Variants in EPS15L1 observed in about 807,000 individuals in gnomAD.
EPS15L1 encodes the protein epidermal growth factor receptor pathway substrate 15 like 1.
Under a neutral mutation model 117.1 loss-of-function variants are expected in EPS15L1, and 43 were observed. That is an observed-to-expected ratio of 0.37 (90% CI 0.29 to 0.47). The LOEUF (loss-of-function observed/expected upper bound fraction) is 0.47. Among genes scored for constraint, EPS15L1 ranks in the 20% least tolerant of loss-of-function variants. The probability of loss-of-function intolerance (pLI) is 0.99; values close to 1 mark genes in which losing one functional copy is unlikely to be tolerated. For missense variants in EPS15L1, 981 were observed against 1,164.0 expected, an observed-to-expected ratio of 0.84 and a Z score of 2.29; for synonymous variants, 459 against 470.5, an observed-to-expected ratio of 0.98 and a Z score of 0.32.
chr19:16,438,125 G>A lies in EPS15L1; in HGVS notation c.214-260C>T, dbSNP rs541451861. Among the ~76,000 whole-genome samples the A allele has an allele frequency of 6.6e-5, 10 of 152,300 alleles. No individual in the cohort carries two copies. The South Asian group carries it at 2.1e-3, about 32-fold the overall frequency. On this transcript the variant is annotated intron_variant, in intron 4 of 23. Transcript: ENST00000455140. ...CCTAGCACTTTGGGAGACCGAGGCA[G>A]GTGGATCACCTGAGGTCAGGAGTTC... is the stretch of plus-strand genomic sequence containing the variant.
In EPS15L1 at chr19:16,386,228, C is replaced by A. The variant is rs972601200; in HGVS notation, c.2107G>T (p.Asp703Tyr). 1 of 1,611,044 alleles carries A rather than the reference C, an allele frequency of 6.2e-7. No individual in the cohort carries two copies. The highest frequency in any genetic ancestry group is 1.7e-5 in the Admixed American group (1 of 59,966). Residue 703 changes from aspartate to tyrosine, a missense_variant, in exon 20 of 24, where the codon GAC (aspartate) becomes TAC (tyrosine). Asp to Tyr is a radical substitution (Grantham distance 160, BLOSUM62 -3). Coordinates refer to ENST00000455140, the MANE Select transcript of EPS15L1 (RefSeq NM_001258374.3). ...AAGGGATCACTGGATTCAAAGGGGT[C>A]GAGCTAAATGAAAGGAGAGAGGAAA... ...TKNPSLPSKLDPFESSDPFSS... is the reference protein window; with the variant it reads ...TKNPSLPSKLYPFESSDPFSS...
At chr19:16,372,271 C>T (rs2092235589) in intron 22 of EPS15L1, among the ~76,000 whole-genome samples, 1 of 152,232 alleles carries the variant, frequency 6.6e-6, no homozygotes, top group Non-Finnish European at 1.5e-5. Flanking sequence ...CCACCTGTGA[C>T]TGTCCAGGTC....
intron 20 of EPS15L1, among the ~76,000 whole-genome samples, chr19:16,385,661 C>T (rs967635695): frequency 6.6e-6 from 1 of 152,202 alleles, no homozygotes; most frequent in Non-Finnish European, 1.5e-5. Context: ...TGATACCAAA[C>T]ACTGCTACCC....
At chr19:16,423,702 T>C (rs1338635226) in intron 9 of EPS15L1, among the ~76,000 whole-genome samples, 3 of 152,180 alleles carry the variant, frequency 2.0e-5, no homozygotes, top group Non-Finnish European at 4.4e-5. Flanking sequence ...CTGGTGGACG[T>C]AAAGATGCCA....
chr19:16,375,794 C>T (rs1020001149), intron 22 of EPS15L1, among the ~76,000 whole-genome samples: 4 of 152,242 alleles, frequency 2.6e-5, no homozygotes, highest in African/African-American at 9.6e-5. Flanking sequence ...ACAAGAAAGC[C>T]AACCTGGGCA....
intron 1 of EPS15L1, among the ~76,000 whole-genome samples, chr19:16,445,859 G>T (rs757986257): frequency 4.7e-4 from 72 of 152,216 alleles, no homozygotes; most frequent in Non-Finnish European, 9.0e-4. Context: ...AGGAATGGAA[G>T]GAAGTGCAGC....
At chr19:16,433,348 T>C (rs1287579276) in intron 7 of EPS15L1, among the ~76,000 whole-genome samples, 2 of 149,678 alleles carry the variant, frequency 1.3e-5, no homozygotes, top group Non-Finnish European at 3.0e-5. Flanking sequence ...GCCAGGCTGT[T>C]CTCGAACTCC....
chr19:16,431,708 A>C (rs2092929763), intron 7 of EPS15L1, among the ~76,000 whole-genome samples: 1 of 152,206 alleles, frequency 6.6e-6, no homozygotes, highest in Non-Finnish European at 1.5e-5. Context: ...GAATGTTCCC[A>C]ACACAAAGAA....
At chr19:16,467,309 A>G (rs988458061) in intron 1 of EPS15L1, among the ~76,000 whole-genome samples, 22 of 151,882 alleles carry the variant, frequency 1.4e-4, no homozygotes, top group African/African-American at 4.8e-4. Flanking sequence ...CCAGGACGCC[A>G]GGCTAATGTT....
At chr19:16,419,601 G>A (rs568575387) in intron 10 of EPS15L1, among the ~76,000 whole-genome samples, 4 of 152,154 alleles carry the variant, frequency 2.6e-5, no homozygotes, top group Non-Finnish European at 4.4e-5. Flanking sequence ...CCCACCTCCC[G>A]TGTAGCTGCG....
chr19:16,364,563 C>T (rs1037692944), intron 22 of EPS15L1, among the ~76,000 whole-genome samples: 2 of 152,192 alleles, frequency 1.3e-5, no homozygotes, highest in African/African-American at 4.8e-5. Context: ...TGCCTCACAC[C>T]CCCACCTTGA....
chr19:16,445,237 T>G (rs888699275), intron 1 of EPS15L1, among the ~76,000 whole-genome samples: 3 of 152,120 alleles, frequency 2.0e-5, no homozygotes, highest in Non-Finnish European at 4.4e-5. Flanking sequence ...AGCCCAGAGC[T>G]CCAACCTCTG....
chr19:16,426,400 G>A (rs140355624), intron 8 of EPS15L1, among the ~76,000 whole-genome samples: 3,489 of 152,266 alleles, frequency 0.023, 58 homozygotes, highest in Non-Finnish European at 0.035. Flanking sequence ...TTTGGAGGCC[G>A]AGACGGGCAG....
At position 16,402,397 on chromosome 19, in the gene EPS15L1, T is replaced by G; in HGVS notation, c.1715A>C (p.His572Pro). ...EQYDQVLDGA[H>P]GASLTDLANL... is the part of the protein sequence containing the mutation. ...GGCCAGGTCGGTCAGGCTGGCACCA[T>G]GGGCTCCATCGAGCACCTGGTCATA... Residue 572 changes from histidine to proline, a missense_variant, in exon 16 of 24, where the codon CAT (histidine) becomes CCT (proline). By Grantham distance (77) the His-to-Pro change is moderately conservative (BLOSUM62 -2). Around this residue, in one of 5 missense-constraint regions of EPS15L1, gnomAD observed 819 missense variants for 949.0 expected, o/e 0.86. Coordinates refer to ENST00000455140, the MANE Select transcript of EPS15L1 (RefSeq NM_001258374.3). 1 of 1,614,156 alleles carries G rather than the reference T, an allele frequency of 6.2e-7. No homozygotes were observed. Among genetic ancestry groups the G allele is most frequent in the Non-Finnish European group, 8.5e-7 (1 of 1,180,006 alleles).
At chr19:16,415,036 C>T (rs1384571075) in intron 12 of EPS15L1, among the ~76,000 whole-genome samples, 3 of 152,100 alleles carry the variant, frequency 2.0e-5, no homozygotes, top group Admixed American at 6.5e-5. Flanking sequence ...AGATAGAATT[C>T]GTGCATGTAT....
intron 9 of EPS15L1, among the ~76,000 whole-genome samples, chr19:16,422,774 T>C (rs2092829682): frequency 6.6e-6 from 1 of 152,018 alleles, no homozygotes; most frequent in Non-Finnish European, 1.5e-5. Context: ...TTGGCCAACA[T>C]GGTGAAACCC....
Position 16,355,470 on chromosome 19 carries a change from A to C in EPS15L1, c.*235T>G. 6.2e-6 allele frequency: 3 copies of C among 485,576 alleles called. No individual in the cohort carries two copies. The highest frequency in any genetic ancestry group is 3.2e-5 in the East Asian group (1 of 31,552). The allele number at this position is 485,576 out of a possible 1,614,324, so 30.1% of individuals were successfully genotyped here. A position where few individuals can be genotyped will look rare whatever the true frequency, so the allele number is the denominator to read the frequency against. On this transcript the variant is annotated 3_prime_UTR_variant, in exon 24 of 24. Transcript: ENST00000455140. ...CGGGAGGCAGTCAGCCCCGGGGGGG[A>C]TGGCACAGTGGAGAGACGGACCTGC...
chr19:16,411,073 C>T (rs1285750404), intron 13 of EPS15L1, among the ~76,000 whole-genome samples: 1 of 152,174 alleles, frequency 6.6e-6, no homozygotes, highest in Non-Finnish European at 1.5e-5. Flanking sequence ...ATTCCACTGA[C>T]AGGAAATGTC....
chr19:16,428,449 A>AG (rs1168320589), intron 8 of EPS15L1, among the ~76,000 whole-genome samples: 1 of 109,188 alleles, frequency 9.2e-6, no homozygotes, highest in Non-Finnish European at 1.7e-5. Context: ...GGAAGGAGGG[A>AG]GGGAGGGAGA....
Sources: gnomAD v4.1 joint callset for allele counts (sites outside exome capture counted in the v4.1 genomes callset) on GRCh38, gnomAD v4.1.1 for gene constraint, gnomAD v4.1.1 regional missense constraint, MANE v1.5 for transcripts, NCBI Gene and HGNC (gene_info 2026-07-23, HGNC 2026-07-21) for gene names.